Variants in TTLL11 observed in about 807,000 individuals in gnomAD.
TTLL11 encodes tubulin tyrosine ligase like 11.
TTLL11 carries 42 observed loss-of-function variants against 51.7 expected under a neutral mutation model. The ratio of observed to expected loss-of-function variants is 0.81; its 90% CI spans 0.64 to 1.05. The LOEUF is 1.05. Ranked by LOEUF, TTLL11 falls within the 50% of genes least tolerant of loss-of-function variation. The probability of loss-of-function intolerance (pLI) is 0.00; values close to 1 mark genes in which losing one functional copy is unlikely to be tolerated. For synonymous variants in TTLL11, 381 were observed against 383.5 expected (o/e 0.99, Z 0.08); for missense variants, 799 against 940.4 (o/e 0.85, Z 1.97).
intron 6 of TTLL11, among the ~76,000 whole-genome samples, chr9:121,928,455 T>C (rs1840828612): frequency 6.6e-6 from 1 of 151,662 alleles, no homozygotes; most frequent in African/African-American, 2.4e-5. Context: ...TTTTTTTTTT[T>C]TTTTGAGATA....
intron 6 of TTLL11, among the ~76,000 whole-genome samples, chr9:121,934,590 C>T (rs1374114003): frequency 6.6e-6 from 1 of 152,154 alleles, no homozygotes. Context: ...GTTTCAGGAA[C>T]ATGTCTACAA....
intron 6 of TTLL11, among the ~76,000 whole-genome samples, chr9:121,895,559 GTGTC>G (rs1253707943): frequency 3.3e-5 from 5 of 151,736 alleles, no homozygotes; most frequent in Non-Finnish European, 5.9e-5. Context: ...ACATATGTGT[GTGTC>G]TGTGTGGTTG....
intron 4 of TTLL11, among the ~76,000 whole-genome samples, chr9:121,988,668 C>A (rs1247761936): frequency 6.6e-6 from 1 of 152,144 alleles, no homozygotes; most frequent in Admixed American, 6.5e-5. Context: ...TGTTACGTGG[C>A]CCCACGATCT....
intron 2 of TTLL11, among the ~76,000 whole-genome samples, chr9:122,037,888 C>T (rs1306327568): frequency 6.6e-6 from 1 of 152,154 alleles, no homozygotes; most frequent in Admixed American, 6.5e-5. Context: ...GGTGAAAACC[C>T]CTAGTGGATG....
At chr9:121,905,653 A>G (rs940908503) in intron 6 of TTLL11, among the ~76,000 whole-genome samples, 1 of 152,120 alleles carries the variant, frequency 6.6e-6, no homozygotes, top group African/African-American at 2.4e-5. Flanking sequence ...GCACCCAGCC[A>G]TTTAACATTT....
chr9:121,881,924 C>A (rs1279530792), intron 6 of TTLL11, among the ~76,000 whole-genome samples: 2 of 152,108 alleles, frequency 1.3e-5, no homozygotes, highest in African/African-American at 2.4e-5. Flanking sequence ...GGGTTGGAAT[C>A]CTGCCCCTGT....
intron 3 of TTLL11, among the ~76,000 whole-genome samples, chr9:121,991,332 C>G (rs546949354): frequency 6.6e-6 from 1 of 152,324 alleles, no homozygotes; most frequent in African/African-American, 2.4e-5. Context: ...TAATAATGGT[C>G]CACATCAATT....
intron 8 of TTLL11, among the ~76,000 whole-genome samples, chr9:121,841,587 G>A (rs1837347748): frequency 6.6e-6 from 1 of 152,176 alleles, no homozygotes; most frequent in South Asian, 2.1e-4. Flanking sequence ...TTTCTCTAGA[G>A]GCTGCTTGGG....
chr9:122,009,768 A>G (rs1441888988), intron 3 of TTLL11, among the ~76,000 whole-genome samples: 1 of 151,968 alleles, frequency 6.6e-6, no homozygotes, highest in East Asian at 1.9e-4. Flanking sequence ...TCATAAAACT[A>G]TAGAATAATA....
At chr9:122,084,496 T>C (rs1846074318) in intron 1 of TTLL11, among the ~76,000 whole-genome samples, 1 of 152,026 alleles carries the variant, frequency 6.6e-6, no homozygotes, top group Admixed American at 6.6e-5. Context: ...AGCAAAACAA[T>C]AACCTCTGTG....
intron 4 of TTLL11, among the ~76,000 whole-genome samples, chr9:121,986,362 T>G (rs1842941372): frequency 6.6e-6 from 1 of 152,188 alleles, no homozygotes. Flanking sequence ...ATGATAGTCC[T>G]AGAATAGCTG....
intron 1 of TTLL11, among the ~76,000 whole-genome samples, chr9:122,061,075 G>C (rs1361361029): frequency 6.6e-6 from 1 of 152,198 alleles, no homozygotes; most frequent in Non-Finnish European, 1.5e-5. Flanking sequence ...TCTGGTGGAT[G>C]CCAGCAGCCC....
intron 3 of TTLL11, among the ~76,000 whole-genome samples, chr9:122,018,116 T>A (rs1844048076): frequency 6.7e-6 from 1 of 148,222 alleles, no homozygotes; most frequent in Non-Finnish European, 1.5e-5. Flanking sequence ...CCACTTTTTT[T>A]TTTTTTTTTT....
chr9:122,069,347 G>A (rs1056493735), intron 1 of TTLL11, among the ~76,000 whole-genome samples: 1 of 152,152 alleles, frequency 6.6e-6, no homozygotes, highest in Non-Finnish European at 1.5e-5. Context: ...GTTTTCATTT[G>A]TTCACTGCTA....
At chr9:122,091,078 G>A (rs752907537) in intron 1 of TTLL11, among the ~76,000 whole-genome samples, 6 of 152,160 alleles carry the variant, frequency 3.9e-5, no homozygotes, top group Non-Finnish European at 5.9e-5. Context: ...GGACATTTAC[G>A]GAATGAGTGA....
At chr9:121,972,347 C>T (rs1016700068) in intron 6 of TTLL11, among the ~76,000 whole-genome samples, 3 of 152,202 alleles carry the variant, frequency 2.0e-5, no homozygotes, top group Non-Finnish European at 4.4e-5. Flanking sequence ...AGCAATTAAT[C>T]CATTGCTTTT....
intron 1 of TTLL11, among the ~76,000 whole-genome samples, chr9:122,071,934 T>C (rs1367630096): frequency 6.6e-6 from 1 of 152,150 alleles, no homozygotes; most frequent in African/African-American, 2.4e-5. Flanking sequence ...GAAGCAATGC[T>C]CTCTGCCCTC....
chr9:121,954,678 G>GCACACACACACACAGACGCA (rs1841964963), intron 6 of TTLL11, among the ~76,000 whole-genome samples: 1 of 149,302 alleles, frequency 6.7e-6, no homozygotes, highest in Admixed American at 6.7e-5. Flanking sequence ...ACACACAGAC[G>GCACACACACACACAGACGCA]CACACACACA....
At chr9:121,893,372 G>A (rs1207018715) in intron 6 of TTLL11, among the ~76,000 whole-genome samples, 2 of 151,996 alleles carry the variant, frequency 1.3e-5, no homozygotes, top group East Asian at 3.9e-4. Context: ...GTGTGTGTGA[G>A]GGGGGCCATG....
Sources: allele counts gnomAD v4.1 joint callset (sites outside exome capture counted in the v4.1 genomes callset), GRCh38; gene constraint gnomAD v4.1.1; transcripts MANE v1.5; gene names NCBI Gene and HGNC (gene_info 2026-07-23, HGNC 2026-07-21).